OR10A2: variants seen among roughly 807,000 people sequenced by gnomAD.
The protein encoded by OR10A2 is olfactory receptor 10A2.
Under a neutral mutation model 13.7 loss-of-function variants are expected in OR10A2, and 15 were observed. The ratio of observed to expected loss-of-function variants is 1.10; its 90% CI spans 0.73 to 1.69. The LOEUF (loss-of-function observed/expected upper bound fraction) is 1.69. OR10A2 is among the 40% of genes most tolerant of loss of function. OR10A2 has a pLI of 0.00. For missense variants in OR10A2, 343 were observed against 361.1 expected, an observed-to-expected ratio of 0.95 and a Z score of 0.41; for synonymous variants, 145 against 144.7, an observed-to-expected ratio of 1.00 and a Z score of -0.02.
chr11:6,863,218 A>G lies in OR10A2; in HGVS notation c.-266A>G, dbSNP rs1219737886. The stretch of plus-strand genomic sequence containing the variant: ...ATTAATAGCTCAGCCAGGACAGGGA[A>G]TAAGACTTCCCTGGTTCTTCTTTTG... On this transcript the variant is annotated 5_prime_UTR_variant, in exon 1 of 2. Transcript: ENST00000641461. The G allele has an allele frequency of 6.6e-6, 1 of 152,232 alleles. No individual in the cohort carries two copies. The highest frequency in any genetic ancestry group is 2.4e-5 in the African/African-American group (1 of 41,452). 9.4% of individuals were successfully genotyped at this position (152,232 alleles called of 1,614,324 possible). A position where few individuals can be genotyped will look rare whatever the true frequency, so the allele number is the denominator to read the frequency against.
chr11:6,873,090 C>G lies in OR10A2; in HGVS notation c.*2424C>G, dbSNP rs1054617537. On this transcript the variant is annotated 3_prime_UTR_variant, in exon 2 of 2. Coordinates refer to ENST00000641461, the MANE Select transcript of OR10A2 (RefSeq NM_001004460.2). ...GCCTCCCAAGGGCTGGGATTACAGA[C>G]GTGGGCCACCATGCCAGGCCAAGTA... The G allele has an allele frequency of 6.6e-6, 1 of 152,092 alleles. No individual in the cohort carries two copies. Among genetic ancestry groups the G allele is most frequent in the Admixed American group, 6.6e-5 (1 of 15,252 alleles). 9.4% of individuals were successfully genotyped at this position (152,092 alleles called of 1,614,324 possible).
Position 6,870,599 on chromosome 11 carries a change from A to G in OR10A2, c.845A>G (p.Asn282Ser), listed in dbSNP as rs771001703. The G allele has an allele frequency of 1.2e-5, 19 of 1,613,648 alleles. No individual in the cohort carries two copies. Among genetic ancestry groups the G allele is most frequent in the Non-Finnish European group, 1.5e-5 (18 of 1,179,706 alleles). ...LNPIIYSLRN[N>S]EVKNALSRTV... ...CCCATTATCTACAGCCTGAGAAATA[A>G]CGAGGTGAAGAATGCCCTCAGCAGG... Residue 282 changes from asparagine to serine, a missense_variant, in exon 2 of 2, where the codon AAC becomes AGC. Coordinates refer to ENST00000641461, the MANE Select transcript of OR10A2 (RefSeq NM_001004460.2).
At chr11:6,865,003 TAA>T (rs1848368745) in intron 1 of OR10A2, among the ~76,000 whole-genome samples, 2 of 67,316 alleles carry the variant, frequency 3.0e-5, no homozygotes, top group Non-Finnish European at 7.8e-5. Context: ...TATGTATATA[TAA>T]ATATATATTA....
chr11:6,865,144 TATAA>T lies in OR10A2; in HGVS notation c.-133+1797_-133+1800del, dbSNP rs540607598. Among the ~76,000 whole-genome samples the T allele has an allele frequency of 7.4e-3, 1,080 of 146,648 alleles. 14 individuals carry two copies. The highest frequency in any genetic ancestry group is 0.025 in the African/African-American group (1,025 of 40,596). Reference sequence around the variant, plus strand: ...TCATATAATTACAAAATTTCTTATATATAAATATATATTTATATATACTTATCTA... The same window carrying T: ...TCATATAATTACAAAATTTCTTATATATATATATTTATATATACTTATCTA... On this transcript the variant is annotated intron_variant, in intron 1 of 1. Coordinates refer to ENST00000641461, the MANE Select transcript of OR10A2 (RefSeq NM_001004460.2).
In OR10A2 at chr11:6,869,940, A is replaced by G; in HGVS notation, c.186A>G (p.Leu62=). 1.9e-6 allele frequency: 3 copies of G among 1,614,084 alleles called. No individual in the cohort carries two copies. Among genetic ancestry groups the G allele is most frequent in the Non-Finnish European group, 2.5e-6 (3 of 1,179,948 alleles). Residue 62 remains leucine (L), a synonymous_variant, in exon 2 of 2, where the codon CTA becomes CTG. Coordinates refer to ENST00000641461, the MANE Select transcript of OR10A2 (RefSeq NM_001004460.2). ...NLSFLEIGFN[L]VIVPKMLGTL... ...CTTTCCTGGAGATTGGCTTCAACCT[A>G]GTCATTGTGCCCAAAATGCTGGGGA...
chr11:6,871,804 C>T lies in OR10A2; in HGVS notation c.*1138C>T, dbSNP rs1381276751. ...AATTTATTTAGCCAGTCTTTTACTA[C>T]TACAAATCATGCTGTAAATAATGGA... On this transcript the variant is annotated 3_prime_UTR_variant, in exon 2 of 2. Coordinates refer to ENST00000641461, the MANE Select transcript of OR10A2 (RefSeq NM_001004460.2). The T allele has an allele frequency of 6.6e-6, 1 of 152,140 alleles. No individual in the cohort carries two copies. The highest frequency in any genetic ancestry group is 6.5e-5 in the Admixed American group (1 of 15,272). 9.4% of individuals were successfully genotyped at this position (152,140 alleles called of 1,614,324 possible).
chr11:6,866,747 T>C (rs1319698024), intron 1 of OR10A2, among the ~76,000 whole-genome samples: 6 of 152,150 alleles, frequency 3.9e-5, no homozygotes, highest in Non-Finnish European at 7.3e-5. Flanking sequence ...TGGTTACTTA[T>C]CAGAACTTTT....
chr11:6,867,638 T>C (rs527625629), intron 1 of OR10A2, among the ~76,000 whole-genome samples: 1 of 152,358 alleles, frequency 6.6e-6, no homozygotes, highest in Non-Finnish European at 1.5e-5. Context: ...TTGAATTTCA[T>C]CTCATTAACC....
At chr11:6,863,392 G>A (rs1422747824) in intron 1 of OR10A2, 41 bp downstream of exon 1, 4 of 115,046 alleles carry the variant, frequency 3.5e-5, no homozygotes, top group Admixed American at 2.1e-4. Context: ...TTTCCACCAA[G>A]GACTGAATCT....
At position 6,869,622 on chromosome 11, in the gene OR10A2, G is replaced by A; in HGVS notation, c.-132-1G>A. ...GCTGACCTTGCCTCTTTCCCTGACA[G>A]TAAGAACGAGTCTGAAAAACAAATT... is the stretch of plus-strand genomic sequence containing the variant. On this transcript the variant is annotated splice_acceptor_variant, in intron 1 of 1. Transcript: ENST00000641461. LOFTEE classifies it low-confidence loss of function (5UTR_SPLICE). 1.2e-6 allele frequency: 1 copy of A among 836,282 alleles called. No individual in the cohort carries two copies. Among genetic ancestry groups the A allele is most frequent in the East Asian group, 2.4e-5 (1 of 41,240 alleles). The allele number at this position is 836,282 out of a possible 1,614,324, so 51.8% of individuals were successfully genotyped here. A position where few individuals can be genotyped will look rare whatever the true frequency, so the allele number is the denominator to read the frequency against.
rs778542601 is a variant in OR10A2, at chr11:6,869,742, T to C, written c.-13T>C. 1 of 1,608,866 alleles carries C rather than the reference T, an allele frequency of 6.2e-7. No individual in the cohort carries two copies. Among genetic ancestry groups the C allele is most frequent in the Non-Finnish European group, 8.5e-7 (1 of 1,175,836 alleles). On this transcript the variant is annotated 5_prime_UTR_variant, in exon 2 of 2. Coordinates refer to ENST00000641461, the MANE Select transcript of OR10A2 (RefSeq NM_001004460.2). The stretch of plus-strand genomic sequence containing the variant: ...CTACAGGAAACTGGACAAGAATAAG[T>C]GAGTTTATCCTCATGAGCTTCTCTT...
Position 6,870,117 on chromosome 11 carries a change from C to A in OR10A2, c.363C>A (p.Val121=). 1.2e-6 allele frequency: 2 copies of A among 1,614,238 alleles called. No homozygotes were observed. Among genetic ancestry groups the A allele is most frequent in the Non-Finnish European group, 1.7e-6 (2 of 1,180,054 alleles). ...VAICSPLHYP[V]IMNQRTRAKL... ...TCTGCAGTCCCTTGCACTACCCAGT[C>A]ATCATGAACCAAAGGACTCGTGCCA... The change falls in exon 2 of 2, where the codon GTC becomes GTA. Residue 121 remains valine, a synonymous_variant. Transcript: ENST00000641461.
At chr11:6,865,111 A>ATATATT (rs35143813) in intron 1 of OR10A2, among the ~76,000 whole-genome samples, 1,907 of 146,114 alleles carry the variant, frequency 0.013, 42 homozygotes, top group African/African-American at 0.045. Flanking sequence ...ATATATATTT[A>ATATATT]TATATTTTCA....
rs1209052255 is a variant in OR10A2, at chr11:6,871,398, G to C, written c.*732G>C. On this transcript the variant is annotated 3_prime_UTR_variant, in exon 2 of 2. Coordinates refer to ENST00000641461, the MANE Select transcript of OR10A2 (RefSeq NM_001004460.2). The stretch of plus-strand genomic sequence containing the variant: ...TGGGCAGATCTGACTCTACATTCAT[G>C]ACAGAAAATCTCATGATCTTTCCCA... 1 of 132,562 alleles carries C rather than the reference G, an allele frequency of 7.5e-6. No individual in the cohort carries two copies. Among genetic ancestry groups the C allele is most frequent in the African/African-American group, 2.6e-5 (1 of 38,982 alleles). 8.2% of individuals were successfully genotyped at this position (132,562 alleles called of 1,614,324 possible).
In OR10A2 at chr11:6,874,208, T is replaced by G. The variant is rs1214327622; in HGVS notation, c.*3542T>G. The G allele has an allele frequency of 6.6e-6, 1 of 152,088 alleles. No individual in the cohort carries two copies. The highest frequency in any genetic ancestry group is 2.4e-5 in the African/African-American group (1 of 41,390). The allele number at this position is 152,088 out of a possible 1,614,324, so 9.4% of individuals were successfully genotyped here. On this transcript the variant is annotated 3_prime_UTR_variant, in exon 2 of 2. Coordinates refer to ENST00000641461, the MANE Select transcript of OR10A2 (RefSeq NM_001004460.2). Reference sequence around the variant, plus strand: ...CCTACTTTGTGTCTGTGTAGATGTTTCCCTGATTATTTACCACATTTTCTT... The same window carrying G: ...CCTACTTTGTGTCTGTGTAGATGTTGCCCTGATTATTTACCACATTTTCTT...
rs1237726156 is a variant in OR10A2 at position 6,870,213 on chromosome 11, TC to T, written c.461del (p.Pro154HisfsTer8). The T allele has an allele frequency of 1.2e-6, 2 of 1,614,086 alleles. No homozygotes were observed. Among genetic ancestry groups the T allele is most frequent in the Non-Finnish European group, 1.7e-6 (2 of 1,180,030 alleles). On this transcript the variant is annotated frameshift_variant, in exon 2 of 2. Coordinates refer to ENST00000641461, the MANE Select transcript of OR10A2 (RefSeq NM_001004460.2). LOFTEE classifies it high-confidence loss of function. ...TGCAGACCACATGGCTCTTCAGTTT[TC>T]CATTCTGTGGCACCAACAAGGTGAA... ...TVQTTWLFSF[P>X]FCGTNKVNHF...
intron 1 of OR10A2, among the ~76,000 whole-genome samples, chr11:6,864,280 G>T (rs905848779): frequency 4.6e-5 from 7 of 150,854 alleles, no homozygotes; most frequent in Non-Finnish European, 1.0e-4. Context: ...CTGTCATGAG[G>T]CTTCTAGTTA....
At position 6,874,676 on chromosome 11, in the gene OR10A2, T is replaced by C. The variant is rs559864347; in HGVS notation, c.*4010T>C. 2.6e-5 allele frequency: 4 copies of C among 152,344 alleles called. No individual in the cohort carries two copies. In the East Asian group the frequency reaches 7.7e-4, roughly 29 times the overall value. The allele number at this position is 152,344 out of a possible 1,614,324, so 9.4% of individuals were successfully genotyped here. ...TGACTGTAAAATGGGTATAATACTA[T>C]CTGTATCTTCAGGTGTTGTGAGAAT... On this transcript the variant is annotated 3_prime_UTR_variant, in exon 2 of 2. Coordinates refer to ENST00000641461, the MANE Select transcript of OR10A2 (RefSeq NM_001004460.2).
chr11:6,873,375 C>T lies in OR10A2; in HGVS notation c.*2709C>T, dbSNP rs1043128152. On this transcript the variant is annotated 3_prime_UTR_variant, in exon 2 of 2. Coordinates refer to ENST00000641461, the MANE Select transcript of OR10A2 (RefSeq NM_001004460.2). ...AACAACAGTAGAATGAAAATACCAACAATGCTTGGATTAGAACAATGATGC... is the reference window on the plus strand; with the variant it reads ...AACAACAGTAGAATGAAAATACCAATAATGCTTGGATTAGAACAATGATGC... The T allele has an allele frequency of 2.6e-5, 4 of 152,210 alleles. No homozygotes were observed. Among genetic ancestry groups the T allele is most frequent in the Non-Finnish European group, 5.9e-5 (4 of 68,048 alleles). The allele number at this position is 152,210 out of a possible 1,614,324, so 9.4% of individuals were successfully genotyped here. A position where few individuals can be genotyped will look rare whatever the true frequency, so the allele number is the denominator to read the frequency against.
Sources: gnomAD v4.1 joint callset for allele counts (sites outside exome capture counted in the v4.1 genomes callset) on GRCh38, gnomAD v4.1.1 for gene constraint, MANE v1.5 for transcripts, NCBI Gene and HGNC (gene_info 2026-07-23, HGNC 2026-07-21) for gene names.